The following GRID2 variants were observed in gnomAD, a reference collection of about 807,000 sequenced individuals.
The protein encoded by GRID2 is glutamate receptor ionotropic, delta-2.
In GRID2, 33 loss-of-function variants were observed where a neutral mutation model predicts 114.8. That is an observed-to-expected ratio of 0.29 (90% CI 0.22 to 0.38). The LOEUF is 0.38. Ranked by LOEUF, GRID2 falls within the 10% of genes least tolerant of loss-of-function variation. The pLI is 1.00. For synonymous variants in GRID2, 505 were observed against 449.9 expected, an observed-to-expected ratio of 1.12 and a Z score of -1.55; for missense variants, 1,184 against 1,257.7, an observed-to-expected ratio of 0.94 and a Z score of 0.89.
At chr4:93,387,100 T>C (rs1764390800) in intron 8 of GRID2, among the ~76,000 whole-genome samples, 1 of 152,148 alleles carries the variant, frequency 6.6e-6, no homozygotes, top group Non-Finnish European at 1.5e-5. Flanking sequence ...GGTTTTTGAC[T>C]TGGAGCTGGA....
intron 2 of GRID2, among the ~76,000 whole-genome samples, chr4:92,927,603 G>A: frequency 6.6e-6 from 1 of 151,796 alleles, no homozygotes; most frequent in Non-Finnish European, 1.5e-5. Flanking sequence ...AACCATGCCT[G>A]ACCTTTGCTC....
intron 1 of GRID2, among the ~76,000 whole-genome samples, chr4:92,564,808 A>G (rs531379347): frequency 3.9e-5 from 6 of 152,132 alleles, no homozygotes; most frequent in African/African-American, 1.4e-4. Flanking sequence ...TTGGAATGTC[A>G]TATATTTATA....
Position 93,658,202 on chromosome 4 carries a change from C to T in GRID2, c.2360+31767C>T, listed in dbSNP as rs2118988. 2.7e-3 allele frequency among the ~76,000 whole-genome samples: 417 copies of T among 152,230 alleles called. 2 individuals are homozygous for T. Among genetic ancestry groups the T allele is most frequent in the Admixed American group, 8.4e-3 (128 of 15,292 alleles). ...TATCATTTTAGACTGACCTGTTGGA[C>T]TAATTTCAATGACTTTAGCTGGTAG... On this transcript the variant is annotated intron_variant, in intron 14 of 15. Coordinates refer to ENST00000282020, the MANE Select transcript of GRID2 (RefSeq NM_001510.4).
intron 1 of GRID2, among the ~76,000 whole-genome samples, chr4:92,532,278 A>G (rs1223180515): frequency 6.6e-6 from 1 of 152,166 alleles, no homozygotes; most frequent in Non-Finnish European, 1.5e-5. Flanking sequence ...GTTGTAATAT[A>G]CAATTGTCCA....
intron 2 of GRID2, among the ~76,000 whole-genome samples, chr4:92,613,676 G>A (rs1729863630): frequency 6.6e-6 from 1 of 151,350 alleles, no homozygotes; most frequent in South Asian, 2.1e-4. Flanking sequence ...CTGCTAACAT[G>A]AAGTTGTTGA....
chr4:92,727,545 T>C (rs1296082436), intron 2 of GRID2, among the ~76,000 whole-genome samples: 1 of 152,150 alleles, frequency 6.6e-6, no homozygotes, highest in African/African-American at 2.4e-5. Flanking sequence ...AAGTATGTGT[T>C]ATATACTTAT....
At chr4:93,205,721 A>G (rs1742669029) in intron 4 of GRID2, among the ~76,000 whole-genome samples, 1 of 152,110 alleles carries the variant, frequency 6.6e-6, no homozygotes, top group Admixed American at 6.6e-5. Context: ...TAGACCCCTA[A>G]GGAATCGCCA....
At chr4:93,101,401 C>T (rs942312479) in intron 3 of GRID2, among the ~76,000 whole-genome samples, 1 of 151,858 alleles carries the variant, frequency 6.6e-6, no homozygotes, top group Non-Finnish European at 1.5e-5. Flanking sequence ...ATTAATAAAC[C>T]TCTTTCCATT....
chr4:93,540,195 A>G (rs1016863989), intron 13 of GRID2, among the ~76,000 whole-genome samples: 3 of 151,752 alleles, frequency 2.0e-5, no homozygotes, highest in African/African-American at 7.3e-5. Flanking sequence ...TTGTCCTTTG[A>G]ATGTTGTATT....
At chr4:93,646,008 C>A (rs1722080187) in intron 14 of GRID2, among the ~76,000 whole-genome samples, 1 of 152,108 alleles carries the variant, frequency 6.6e-6, no homozygotes, top group Non-Finnish European at 1.5e-5. Context: ...GATTAGAATT[C>A]ATGTTTATTC....
chr4:93,425,434 C>A (rs1261992353), intron 10 of GRID2, among the ~76,000 whole-genome samples: 1 of 152,104 alleles, frequency 6.6e-6, no homozygotes, highest in East Asian at 1.9e-4. Flanking sequence ...AAGATATAAC[C>A]TTCTGGAGTT....
intron 8 of GRID2, among the ~76,000 whole-genome samples, chr4:93,368,397 A>G (rs1025126851): frequency 2.1e-5 from 2 of 97,480 alleles, no homozygotes; most frequent in Non-Finnish European, 3.9e-5. Flanking sequence ...AAGACTCTAA[A>G]TAACTAAAGT....
At chr4:93,189,429 C>T (rs1740755143) in intron 4 of GRID2, among the ~76,000 whole-genome samples, 1 of 152,040 alleles carries the variant, frequency 6.6e-6, no homozygotes, top group Non-Finnish European at 1.5e-5. Flanking sequence ...CTACTCATGA[C>T]GGTTATGCTC....
chr4:93,282,891 A>T (rs1752792151), intron 8 of GRID2, among the ~76,000 whole-genome samples: 1 of 152,010 alleles, frequency 6.6e-6, no homozygotes, highest in Non-Finnish European at 1.5e-5. Flanking sequence ...GAGGGGAAGC[A>T]AGAGTTGAGA....
intron 13 of GRID2, among the ~76,000 whole-genome samples, chr4:93,533,310 CTTCCTTCT>C (rs1210378591): frequency 7.1e-4 from 92 of 129,024 alleles, no homozygotes; most frequent in Non-Finnish European, 1.1e-3. Flanking sequence ...TCCTTCCTTC[CTTCCTTCT>C]TTCCTTTCTT....
intron 2 of GRID2, among the ~76,000 whole-genome samples, chr4:92,942,903 T>A (rs900989704): frequency 1.3e-5 from 2 of 152,202 alleles, no homozygotes; most frequent in African/African-American, 2.4e-5. Context: ...TGGCCCCCAC[T>A]CTCTTCTGGC....
chr4:92,683,300 G>GA (rs571344465), intron 2 of GRID2, among the ~76,000 whole-genome samples: 234 of 148,894 alleles, frequency 1.6e-3, no homozygotes, highest in East Asian at 3.7e-3. Context: ...CTCCATATCA[G>GA]AAAAAAAAAA....
rs376578053 is a variant in GRID2 at position 92,748,914 on chromosome 4, G to A, written c.244+158628G>A. ...CCTGAGCTCAGGTGATCTGCCTACC[G>A]CAGCCTCCCACAGTGAGATTACAGG... On this transcript the variant is annotated intron_variant, in intron 2 of 15. Transcript: ENST00000282020. Among the ~76,000 whole-genome samples, 25 of 151,924 alleles carry A rather than the reference G, an allele frequency of 1.6e-4. No homozygotes were observed. The East Asian group carries it at 1.8e-3, about 11-fold the overall frequency.
intron 1 of GRID2, among the ~76,000 whole-genome samples, chr4:92,544,456 C>T (rs1044286413): frequency 5.3e-5 from 8 of 152,038 alleles, no homozygotes; most frequent in African/African-American, 7.2e-5. Flanking sequence ...AATGTGGTTG[C>T]GCCAGAGCAT....
Sources: allele counts gnomAD v4.1 joint callset (sites outside exome capture counted in the v4.1 genomes callset), GRCh38; gene constraint gnomAD v4.1.1; transcripts MANE v1.5; gene names NCBI Gene and HGNC (gene_info 2026-07-23, HGNC 2026-07-21).